The following TTC28 variants were observed in gnomAD, a reference collection of about 807,000 sequenced individuals.
The protein encoded by TTC28 is tetratricopeptide repeat domain 28.
TTC28 carries 61 observed loss-of-function variants against 198.0 expected under a neutral mutation model. That is an observed-to-expected ratio of 0.31 (90% CI 0.25 to 0.38). The LOEUF (loss-of-function observed/expected upper bound fraction) is 0.38, where lower values mean the gene tolerates loss of function less well. TTC28 is among the 10% of genes least tolerant of loss of function. TTC28 has a pLI of 1.00. For missense variants in TTC28, 2,678 were observed against 3,164.0 expected (o/e 0.85, Z 3.69); for synonymous variants, 1,171 against 1,297.8 (o/e 0.90, Z 2.10).
intron 2 of TTC28, among the ~76,000 whole-genome samples, chr22:28,528,916 C>A (rs2049068352): frequency 6.6e-6 from 1 of 152,070 alleles, no homozygotes; most frequent in Admixed American, 6.6e-5. Context: ...ATACAAACAA[C>A]AACTATTTAG....
intron 1 of TTC28, among the ~76,000 whole-genome samples, chr22:28,635,821 T>C (rs1280087781): frequency 3.3e-5 from 5 of 152,098 alleles, no homozygotes; most frequent in Admixed American, 3.3e-4. Flanking sequence ...ATGGTGAAAA[T>C]ACTTAAGATC....
intron 5 of TTC28, among the ~76,000 whole-genome samples, chr22:28,263,541 CT>C (rs1221689216): frequency 6.6e-6 from 1 of 152,080 alleles, no homozygotes; most frequent in Non-Finnish European, 1.5e-5. Context: ...ATGCAGTTTT[CT>C]TTTCATTTCA....
At chr22:28,654,789 C>T (rs2051618509) in intron 1 of TTC28, among the ~76,000 whole-genome samples, 1 of 152,168 alleles carries the variant, frequency 6.6e-6, no homozygotes, top group African/African-American at 2.4e-5. Context: ...CTTAATGTTT[C>T]CTTTCTAAGC....
At chr22:28,661,532 G>A (rs143767523) in intron 1 of TTC28, among the ~76,000 whole-genome samples, 2,472 of 152,130 alleles carry the variant, frequency 0.016, 93 homozygotes, top group African/African-American at 0.057. Context: ...GGGTCTTCCT[G>A]CCTCAGCCTC....
At chr22:28,043,849 GGAGAGTCAGTGGGTAGA>G (rs1262732582) in intron 12 of TTC28, among the ~76,000 whole-genome samples, 2 of 152,152 alleles carry the variant, frequency 1.3e-5, no homozygotes, top group African/African-American at 4.8e-5. Flanking sequence ...TGGGCACGTT[GGAGAGTCAGTGGGTAGA>G]GAGAGTATGA....
At chr22:28,163,020 G>T in intron 6 of TTC28, 72 bp downstream of exon 6, 2 of 1,424,192 alleles carry the variant, frequency 1.4e-6, no homozygotes, top group East Asian at 2.5e-5. Context: ...TCCTATAAAA[G>T]ATAGTGATCT....
intron 6 of TTC28, among the ~76,000 whole-genome samples, chr22:28,119,859 T>C (rs1276615641): frequency 3.9e-5 from 6 of 152,228 alleles, no homozygotes; most frequent in Non-Finnish European, 4.4e-5. Flanking sequence ...TCAAAGCTAA[T>C]TAATTGGGAA....
chr22:28,585,194 A>G (rs1023714363), intron 2 of TTC28, among the ~76,000 whole-genome samples: 1 of 152,196 alleles, frequency 6.6e-6, no homozygotes, highest in Non-Finnish European at 1.5e-5. Flanking sequence ...GGATGATTCA[A>G]GAACATGAAC....
intron 2 of TTC28, among the ~76,000 whole-genome samples, chr22:28,365,123 T>G (rs182063485): frequency 6.6e-6 from 1 of 152,210 alleles, no homozygotes. Flanking sequence ...CTGAACTGAT[T>G]AGTCAGCAGC....
chr22:28,421,075 T>C (rs1414612106), intron 2 of TTC28, among the ~76,000 whole-genome samples: 2 of 152,194 alleles, frequency 1.3e-5, no homozygotes, highest in Non-Finnish European at 2.9e-5. Flanking sequence ...AAAAATACCT[T>C]ATTCTGCTAT....
At chr22:28,223,690 G>A (rs1328784374) in intron 5 of TTC28, among the ~76,000 whole-genome samples, 1 of 152,020 alleles carries the variant, frequency 6.6e-6, no homozygotes, top group Admixed American at 6.5e-5. Flanking sequence ...CAAGTGGCTA[G>A]GTTCAAGATT....
At position 27,989,983 on chromosome 22, in the gene TTC28, G is replaced by C; in HGVS notation, c.5602C>G (p.Gln1868Glu). Residue 1868 changes from glutamine (Q) to glutamate (E), a missense_variant, in exon 21 of 23, where the codon CAG (glutamine) becomes GAG (glutamate). Around this residue, in one of 8 missense-constraint regions of TTC28, gnomAD observed 314 missense variants for 442.7 expected, o/e 0.71. Coordinates refer to ENST00000397906, the MANE Select transcript of TTC28 (RefSeq NM_001145418.2). Reference protein sequence around the residue: ...GMLHQVLVQLQAGEKEQDLAS... With the variant: ...GMLHQVLVQLEAGEKEQDLAS... Reference sequence around the variant, plus strand: ...AAGTCCTGCTCCTTCTCGCCAGCCTGGAGCTGAACCAGCACCTGGTGGAGC... The same window carrying C: ...AAGTCCTGCTCCTTCTCGCCAGCCTCGAGCTGAACCAGCACCTGGTGGAGC... The C allele has an allele frequency of 6.4e-7, 1 of 1,551,124 alleles. No individual in the cohort carries two copies. Among genetic ancestry groups the C allele is most frequent in the Non-Finnish European group, 8.7e-7 (1 of 1,146,820 alleles).
chr22:28,098,724 T>C (rs561361032), intron 10 of TTC28, among the ~76,000 whole-genome samples, 191 bp downstream of exon 10: 1 of 152,160 alleles, frequency 6.6e-6, no homozygotes, highest in Non-Finnish European at 1.5e-5. Flanking sequence ...CAGCACATGG[T>C]AGGAGCTCTA....
In TTC28 at chr22:28,466,820, T is replaced by TACATACACAC. The variant is rs71316840; in HGVS notation, c.382-160178_382-160177insGTGTGTATGT. On this transcript the variant is annotated intron_variant, in intron 2 of 22. Transcript: ENST00000397906. Reference sequence around the variant, plus strand: ...AGTATTCTCACATTATATACATACATACACACACACACACACACACACACA... The same window carrying TACATACACAC: ...AGTATTCTCACATTATATACATACATACATACACACACACACACACACACACACACACACA... Among the ~76,000 whole-genome samples the TACATACACAC allele has an allele frequency of 1.1e-3, 156 of 143,916 alleles. 2 individuals are homozygous for TACATACACAC. Among genetic ancestry groups the TACATACACAC allele is most frequent in the East Asian group, 4.6e-3 (22 of 4,788 alleles). 94.4% of individuals were successfully genotyped at this position (143,916 alleles called of 152,430 possible). A position where few individuals can be genotyped will look rare whatever the true frequency, so the allele number is the denominator to read the frequency against.
At chr22:28,628,068 G>A (rs2051107179) in intron 2 of TTC28, among the ~76,000 whole-genome samples, 1 of 151,856 alleles carries the variant, frequency 6.6e-6, no homozygotes, top group Non-Finnish European at 1.5e-5. Context: ...ACCATACCTG[G>A]CTAATTTTTG....
intron 13 of TTC28, among the ~76,000 whole-genome samples, chr22:28,022,247 G>T (rs1005826203): frequency 1.3e-5 from 2 of 152,170 alleles, no homozygotes; most frequent in African/African-American, 4.8e-5. Flanking sequence ...ACTGCACAGA[G>T]CACCAGTCCA....
In TTC28 at chr22:28,001,519, T is replaced by C; in HGVS notation, c.4253A>G (p.His1418Arg). The change falls in exon 15 of 23, where the codon CAC (histidine) becomes CGC (arginine). Residue 1418 changes from histidine to arginine, a missense_variant. Physicochemically the swap from His to Arg is conservative, Grantham distance 29. Coordinates refer to ENST00000397906, the MANE Select transcript of TTC28 (RefSeq NM_001145418.2). ...LMHSSGPVGR[H>R]RQLILVLEGE... is the part of the protein sequence containing the mutation. ...CTCCAGAACCAGGATGAGCTGCCGG[T>C]GCCGGCCCACGGGGCCGCTGGAGTG... The C allele has an allele frequency of 6.4e-7, 1 of 1,551,306 alleles. No individual in the cohort carries two copies. Among genetic ancestry groups the C allele is most frequent in the Non-Finnish European group, 8.7e-7 (1 of 1,146,910 alleles).
At chr22:28,311,765 A>G (rs973277180) in intron 2 of TTC28, among the ~76,000 whole-genome samples, 15 of 151,842 alleles carry the variant, frequency 9.9e-5, no homozygotes, top group Admixed American at 6.6e-4. Context: ...TTCATTCTAT[A>G]TAACTATATT....
chr22:28,395,418 G>C (rs536764766), intron 2 of TTC28, among the ~76,000 whole-genome samples: 418 of 152,144 alleles, frequency 2.7e-3, no homozygotes, highest in Non-Finnish European at 4.1e-3. Flanking sequence ...CGGATCAGGA[G>C]GTCAGGAGAT....
Sources: gnomAD v4.1 joint callset for allele counts (sites outside exome capture counted in the v4.1 genomes callset) on GRCh38, gnomAD v4.1.1 for gene constraint, gnomAD v4.1.1 regional missense constraint, MANE v1.5 for transcripts, NCBI Gene and HGNC (gene_info 2026-07-23, HGNC 2026-07-21) for gene names.